The following HEATR4 variants were observed in gnomAD, a reference collection of about 807,000 sequenced individuals.
The protein encoded by HEATR4 is HEAT repeat-containing protein 4.
A neutral mutation model predicts 108.8 loss-of-function variants in HEATR4; 95 were observed. That is an observed-to-expected ratio of 0.87 (90% confidence interval 0.74 to 1.04). The LOEUF (loss-of-function observed/expected upper bound fraction) is 1.04, where lower values mean the gene tolerates loss of function less well. Among genes scored for constraint, HEATR4 ranks in the 50% least tolerant of loss-of-function variants. HEATR4 has a pLI of 0.00. For synonymous variants in HEATR4, 443 were observed against 459.4 expected (o/e 0.96, Z 0.46); for missense variants, 1,152 against 1,253.8 (o/e 0.92, Z 1.23).
the HEATR4 span, among the ~76,000 whole-genome samples, chr14:73,574,122 T>C: frequency 3.0e-4 from 46 of 151,370 alleles, no homozygotes; most frequent in African/African-American, 6.1e-4. Context: ...CTGCCCACCT[T>C]GGCCTCCCAG....
chr14:73,521,482 T>C (rs1220196190), intron 3 of HEATR4, among the ~76,000 whole-genome samples: 1 of 152,226 alleles, frequency 6.6e-6, no homozygotes, highest in Non-Finnish European at 1.5e-5. Context: ...TATCTGTGTC[T>C]GTTGCTTTTA....
At position 73,484,371 on chromosome 14, in the gene HEATR4, T is replaced by TTTTG. The variant is rs549666336; in HGVS notation, c.2845-5533_2845-5530dup. 1.0e-3 allele frequency among the ~76,000 whole-genome samples: 159 copies of TTTTG among 152,054 alleles called. 1 individual carries two copies. The highest frequency in any genetic ancestry group is 3.6e-3 in the African/African-American group (150 of 41,468). ...CAGATGGCCTATTCAAACTGTGGTT[T>TTTTG]TTTGTTTGTTTGTTTGTTTGTCATT... On this transcript the variant is annotated intron_variant, in intron 17 of 17. Transcript: ENST00000553558.
chr14:73,496,743 A>G, intron 14 of HEATR4, 64 bp from the exon 15 acceptor site: 1 of 882,618 alleles, frequency 1.1e-6, no homozygotes, highest in Non-Finnish European at 1.9e-6. Context: ...ATGGGGGTAG[A>G]AAATATAGGA....
the HEATR4 span, chr14:73,569,178 C>G: frequency 1.3e-5 from 20 of 1,576,370 alleles, no homozygotes; most frequent in Non-Finnish European, 1.6e-5. Flanking sequence ...TGGCCTTCCC[C>G]GCTCACGTTA....
At chr14:73,603,726 TTTTTC>T in the HEATR4 span, among the ~76,000 whole-genome samples, 27,578 of 151,294 alleles carry the variant, frequency 0.18, 3,044 homozygotes, top group East Asian at 0.31. Context: ...GAAGTGCTTA[TTTTTC>T]TTTTCTTTTC....
chr14:73,567,099 G>A, the HEATR4 span, among the ~76,000 whole-genome samples: 12 of 151,992 alleles, frequency 7.9e-5, no homozygotes, highest in South Asian at 4.2e-4. Flanking sequence ...GAGCCACCGC[G>A]CCCATCCCCT....
chr14:73,563,479 C>T (rs958850846), upstream of HEATR4, among the ~76,000 whole-genome samples: 1 of 151,906 alleles, frequency 6.6e-6, no homozygotes, highest in Non-Finnish European at 1.5e-5. Flanking sequence ...CCTGTAGTCC[C>T]AGCTACTCGG....
At position 73,553,401 on chromosome 14, in the gene HEATR4, C is replaced by T. The variant is rs772134382; in HGVS notation, c.-152+5350G>A. Among the ~76,000 whole-genome samples the T allele has an allele frequency of 3.6e-5, 4 of 112,042 alleles. 1 individual carries two copies. The highest frequency in any genetic ancestry group is 7.8e-5 in the Non-Finnish European group (4 of 51,198). 73.5% of individuals were successfully genotyped at this position (112,042 alleles called of 152,430 possible). ...TAGCACTCGCCTGTAATCCCAGCTA[C>T]GGGGGAGGCTGAGGCAGGAGAATCA... On this transcript the variant is annotated intron_variant, in intron 1 of 17. Coordinates refer to ENST00000553558, the MANE Select transcript of HEATR4 (RefSeq NM_001220484.1).
chr14:73,603,052 T>G, the HEATR4 span, among the ~76,000 whole-genome samples: 1 of 150,606 alleles, frequency 6.6e-6, no homozygotes, highest in Non-Finnish European at 1.5e-5. Context: ...TAGTCTTAAT[T>G]GTATGTTACA....
In HEATR4 at chr14:73,512,030, TC is replaced by T. The variant is rs767991467; in HGVS notation, c.1533del (p.Ile512LeufsTer23). ...CCTGAGTCTCTCTGGCTGGTGGCAATCCGGGGCCGTTCCAAAGCAGCTGTGG... is the reference window on the plus strand; with the variant it reads ...CCTGAGTCTCTCTGGCTGGTGGCAATCGGGGCCGTTCCAAAGCAGCTGTGG... ...TCATAALERP[R>X]IATSQRDSDK... On this transcript the variant is annotated frameshift_variant, in exon 7 of 18. Transcript: ENST00000553558. LOFTEE classifies it high-confidence loss of function. 34 of 1,613,914 alleles carry T rather than the reference TC, an allele frequency of 2.1e-5. No individual in the cohort carries two copies. Among genetic ancestry groups the T allele is most frequent in the Non-Finnish European group, 2.8e-5 (33 of 1,179,958 alleles).
intron 17 of HEATR4, chr14:73,491,078 A>C: frequency 6.3e-7 from 1 of 1,597,528 alleles, no homozygotes; most frequent in Non-Finnish European, 8.5e-7. Context: ...GCGCCGGCGC[A>C]AGCCCCAGCC....
At chr14:73,629,031 A>G in the HEATR4 span, among the ~76,000 whole-genome samples, 3 of 150,246 alleles carry the variant, frequency 2.0e-5, no homozygotes, top group Admixed American at 2.0e-4. Context: ...CTTCAGCCTG[A>G]GCAACAAGAG....
intron 1 of HEATR4, among the ~76,000 whole-genome samples, chr14:73,545,377 A>G (rs1889216386): frequency 1.0e-5 from 1 of 96,836 alleles, no homozygotes; most frequent in Non-Finnish European, 2.2e-5. Context: ...CCTTTTTTCT[A>G]AAGGAATTCA....
chr14:73,523,407 G>A (rs1045449485), intron 2 of HEATR4, among the ~76,000 whole-genome samples, 183 bp from the exon 3 acceptor site: 8 of 152,178 alleles, frequency 5.3e-5, no homozygotes, highest in Admixed American at 3.9e-4. Context: ...TATCAGACCC[G>A]TGTTTTTGGT....
the HEATR4 span, chr14:73,617,222 A>C: frequency 6.2e-7 from 1 of 1,614,144 alleles, no homozygotes; most frequent in East Asian, 2.2e-5. Context: ...TGAGTGCAGA[A>C]GAGAGGGGAT....
At chr14:73,599,939 G>A in the HEATR4 span, among the ~76,000 whole-genome samples, 5 of 151,914 alleles carry the variant, frequency 3.3e-5, no homozygotes, top group African/African-American at 9.7e-5. Flanking sequence ...TTATAGCATC[G>A]CACTCAGGCT....
chr14:73,576,985 C>T, the HEATR4 span, among the ~76,000 whole-genome samples: 1 of 144,574 alleles, frequency 6.9e-6, no homozygotes, highest in Non-Finnish European at 1.5e-5. Flanking sequence ...GGCTGGAGTG[C>T]AGTGGCACAG....
At chr14:73,529,187 C>G (rs1319182033) in intron 2 of HEATR4, 1 of 151,964 alleles carries the variant, frequency 6.6e-6, no homozygotes, top group Non-Finnish European at 1.5e-5. Flanking sequence ...AACTCCGTCT[C>G]TACTAAAAAT....
At position 73,546,012 on chromosome 14, in the gene HEATR4, C is replaced by T. The variant is rs193132979; in HGVS notation, c.-152+12739G>A. ...AAACAATTTTTTTTTGAGACAGTCT[C>T]GCTCTGTTGCCCAGGCTAGAGTACA... On this transcript the variant is annotated intron_variant, in intron 1 of 17. Transcript: ENST00000553558. 9.1e-3 allele frequency among the ~76,000 whole-genome samples: 1,029 copies of T among 113,290 alleles called. 21 individuals are homozygous for T. Among genetic ancestry groups the T allele is most frequent in the African/African-American group, 0.028 (986 of 34,734 alleles). 74.3% of individuals were successfully genotyped at this position (113,290 alleles called of 152,430 possible).
Sources: allele counts gnomAD v4.1 joint callset (sites outside exome capture counted in the v4.1 genomes callset), GRCh38; gene constraint gnomAD v4.1.1; transcripts MANE v1.5; gene names NCBI Gene and HGNC (gene_info 2026-07-23, HGNC 2026-07-21).